The following PTPRD variants were observed in gnomAD, a reference collection of about 807,000 sequenced individuals.
PTPRD encodes protein tyrosine phosphatase receptor type D, also known as receptor-type tyrosine-protein phosphatase delta.
In PTPRD, 34 loss-of-function variants were observed where a neutral mutation model predicts 214.5. The observed-to-expected ratio is 0.16, with a 90% CI of 0.12 to 0.21. PTPRD has a LOEUF of 0.21. PTPRD is among the 10% of genes least tolerant of loss of function. The probability of loss-of-function intolerance (pLI) is 1.00; values close to 1 mark genes in which losing one functional copy is unlikely to be tolerated. For missense variants in PTPRD, 2,545 were observed against 2,398.7 expected (o/e 1.06, Z -1.27); for synonymous variants, 1,128 against 845.7 (o/e 1.33, Z -5.79).
intron 3 of PTPRD, among the ~76,000 whole-genome samples, chr9:10,251,735 C>T (rs1172601775): frequency 6.6e-6 from 1 of 152,114 alleles, no homozygotes; most frequent in Non-Finnish European, 1.5e-5. Flanking sequence ...TAGCAGTAGT[C>T]CACTTGCTCA....
intron 8 of PTPRD, among the ~76,000 whole-genome samples, chr9:9,406,682 T>C (rs1180011853): frequency 1.3e-5 from 2 of 151,808 alleles, no homozygotes; most frequent in Non-Finnish European, 3.0e-5. Context: ...GGGAGCAGGA[T>C]TGAAAGAGTG....
At chr9:9,084,834 T>C (rs1329069533) in intron 10 of PTPRD, among the ~76,000 whole-genome samples, 1 of 152,154 alleles carries the variant, frequency 6.6e-6, no homozygotes, top group Non-Finnish European at 1.5e-5. Context: ...TCCAAACAGA[T>C]CTCTACATTT....
At chr9:8,861,665 T>C (rs1231738932) in intron 11 of PTPRD, 1 of 152,190 alleles carries the variant, frequency 6.6e-6, no homozygotes, top group Non-Finnish European at 1.5e-5. Flanking sequence ...AATCCAATAT[T>C]TTCACTTCTA....
At chr9:9,659,628 C>T (rs2096585247) in intron 7 of PTPRD, among the ~76,000 whole-genome samples, 1 of 151,888 alleles carries the variant, frequency 6.6e-6, no homozygotes, top group Non-Finnish European at 1.5e-5. Context: ...AAAAGCTTTT[C>T]CCTAGCAGTA....
chr9:8,652,825 C>T (rs528951716), intron 12 of PTPRD, among the ~76,000 whole-genome samples: 1 of 152,134 alleles, frequency 6.6e-6, no homozygotes, highest in South Asian at 2.1e-4. Context: ...GGAATGTATG[C>T]CAGGTCACAC....
rs539463493 is a variant in PTPRD, at chr9:10,169,988, G to A, written c.-544-136198C>T. On this transcript the variant is annotated intron_variant, in intron 3 of 45. Transcript: ENST00000381196. ...CACTCAAATGATTAAGGAAAAATAT[G>A]TTCTCAATATGATACTCTCTTATCA... Among the ~76,000 whole-genome samples the A allele has an allele frequency of 6.6e-5, 10 of 152,082 alleles. No homozygotes were observed. In the South Asian group the frequency reaches 1.9e-3, roughly 28 times the overall value.
At position 8,604,844 on chromosome 9, in the gene PTPRD, G is replaced by A. The variant is rs181512698; in HGVS notation, c.352+28473C>T. On this transcript the variant is annotated intron_variant, in intron 14 of 45. Transcript: ENST00000381196. ...AACTGAGATGGAAAATATAGAAAAT[G>A]GGAGAGAAAATAAGGTCATCCCTTA... 2.0e-3 allele frequency among the ~76,000 whole-genome samples: 307 copies of A among 152,210 alleles called. 2 individuals carry two copies. Among genetic ancestry groups the A allele is most frequent in the African/African-American group, 7.0e-3 (290 of 41,536 alleles).
intron 7 of PTPRD, among the ~76,000 whole-genome samples, chr9:9,588,867 G>C (rs1446947993): frequency 6.6e-6 from 1 of 151,906 alleles, no homozygotes; most frequent in Non-Finnish European, 1.5e-5. Context: ...CATTTTATGA[G>C]TTATTCTTAT....
At chr9:8,727,685 C>G (rs956322074) in intron 12 of PTPRD, among the ~76,000 whole-genome samples, 11 of 152,050 alleles carry the variant, frequency 7.2e-5, no homozygotes, top group Non-Finnish European at 1.6e-4. Context: ...GAGACAGAGT[C>G]TCTCTCTGTC....
chr9:9,505,670 A>T (rs2096554257), intron 8 of PTPRD, among the ~76,000 whole-genome samples: 1 of 151,482 alleles, frequency 6.6e-6, no homozygotes, highest in South Asian at 2.1e-4. Context: ...TCACACAGGG[A>T]ATCAATAAAG....
chr9:9,297,079 G>T (rs1437945389), intron 9 of PTPRD, among the ~76,000 whole-genome samples: 1 of 151,614 alleles, frequency 6.6e-6, no homozygotes, highest in Non-Finnish European at 1.5e-5. Context: ...CATGTTCATA[G>T]CTACTTCTGG....
Position 10,509,710 on chromosome 9 carries a change from G to T in PTPRD, c.-600+102688C>A, listed in dbSNP as rs1026416016. Among the ~76,000 whole-genome samples, 225 of 151,024 alleles carry T rather than the reference G, an allele frequency of 1.5e-3. 2 individuals are homozygous for T. Among genetic ancestry groups the T allele is most frequent in the Non-Finnish European group, 1.8e-4 (12 of 67,850 alleles). On this transcript the variant is annotated intron_variant, in intron 2 of 45. Coordinates refer to ENST00000381196, the MANE Select transcript of PTPRD (RefSeq NM_002839.4). ...TTGACTGTATGTCCAAGGAGCCCTG[G>T]TTCCATGATACAGAGGACAGTATTT...
chr9:10,471,570 G>A (rs1190055926), intron 2 of PTPRD, among the ~76,000 whole-genome samples: 2 of 151,876 alleles, frequency 1.3e-5, no homozygotes, highest in Admixed American at 1.3e-4. Flanking sequence ...TTCCAAATCT[G>A]GTATCTGTGA....
At chr9:9,854,058 T>C (rs2061065527) in intron 5 of PTPRD, among the ~76,000 whole-genome samples, 1 of 152,222 alleles carries the variant, frequency 6.6e-6, no homozygotes, top group Non-Finnish European at 1.5e-5. Context: ...TCATTAACTC[T>C]ATTCATCACA....
At chr9:8,512,811 G>A (rs1006219972) in intron 21 of PTPRD, among the ~76,000 whole-genome samples, 3 of 152,040 alleles carry the variant, frequency 2.0e-5, no homozygotes, top group East Asian at 1.9e-4. Flanking sequence ...CACATATTAG[G>A]ATTTAAGATT....
At chr9:10,272,528 A>G (rs1425202627) in intron 3 of PTPRD, among the ~76,000 whole-genome samples, 1 of 152,182 alleles carries the variant, frequency 6.6e-6, no homozygotes, top group Non-Finnish European at 1.5e-5. Flanking sequence ...TAGTTCTTGT[A>G]TCCTATTTTC....
chr9:9,447,394 T>C (rs2090798789), intron 8 of PTPRD, among the ~76,000 whole-genome samples: 1 of 152,044 alleles, frequency 6.6e-6, no homozygotes, highest in African/African-American at 2.4e-5. Context: ...GCCATTATCC[T>C]TAGCAAACTA....
intron 5 of PTPRD, among the ~76,000 whole-genome samples, chr9:9,826,455 TTC>T (rs2052879944): frequency 6.6e-6 from 1 of 151,992 alleles, no homozygotes; most frequent in Non-Finnish European, 1.5e-5. Context: ...AGATTTTATT[TTC>T]AGTCATATGG....
At chr9:9,198,628 A>T (rs925399227) in intron 9 of PTPRD, among the ~76,000 whole-genome samples, 2 of 152,196 alleles carry the variant, frequency 1.3e-5, no homozygotes, top group Admixed American at 6.5e-5. Context: ...GTGCTGGATT[A>T]CCGAGGAACA....
Sources: allele counts gnomAD v4.1 joint callset (sites outside exome capture counted in the v4.1 genomes callset), GRCh38; gene constraint gnomAD v4.1.1; transcripts MANE v1.5; gene names NCBI Gene and HGNC (gene_info 2026-07-23, HGNC 2026-07-21).